TNNI2: variants seen among roughly 807,000 people sequenced by gnomAD.
The protein encoded by TNNI2 is troponin I, fast skeletal muscle.
TNNI2 carries 14 observed loss-of-function variants against 26.5 expected under a neutral mutation model. The observed-to-expected ratio is 0.53, with a 90% CI of 0.35 to 0.83. The LOEUF (loss-of-function observed/expected upper bound fraction) is 0.83, where lower values mean the gene tolerates loss of function less well. Among genes scored for constraint, TNNI2 ranks in the 40% least tolerant of loss-of-function variants. The pLI is 0.01. For synonymous variants in TNNI2, 126 were observed against 97.6 expected (o/e 1.29, Z -1.71); for missense variants, 205 against 248.5 (o/e 0.82, Z 1.18).
chr11:1,840,254 G>A, intron 3 of TNNI2, 149 bp from the exon 4 acceptor site: 2 of 1,550,070 alleles, frequency 1.3e-6, no homozygotes, highest in Non-Finnish European at 1.7e-6. Flanking sequence ...GGGCCAGGGA[G>A]GCCCAGCCTG....
chr11:1,841,267 C>A, intron 7 of TNNI2, 60 bp downstream of exon 7: 2 of 1,589,876 alleles, frequency 1.3e-6, no homozygotes, highest in South Asian at 2.2e-5. Flanking sequence ...CCTCCCACAC[C>A]TGCCCCGCCT....
chr11:1,841,643 C>T lies in TNNI2; in HGVS notation c.*92C>T. ...CCAGAGCCTGCCAGGGAGGGCTGGC[C>T]TCACCACCACCGTCAATAAAGGATT... is the stretch of plus-strand genomic sequence containing the variant. On this transcript the variant is annotated 3_prime_UTR_variant, in exon 8 of 8. Coordinates refer to ENST00000381911, the MANE Select transcript of TNNI2 (RefSeq NM_003282.4). 1 of 1,130,620 alleles carries T rather than the reference C, an allele frequency of 8.8e-7. No homozygotes were observed. Among genetic ancestry groups the T allele is most frequent in the South Asian group, 1.3e-5 (1 of 78,886 alleles). 70.0% of individuals were successfully genotyped at this position (1,130,620 alleles called of 1,614,324 possible).
chr11:1,839,512 A>T, intron 1 of TNNI2, 163 bp from the exon 2 acceptor site: 1 of 625,828 alleles, frequency 1.6e-6, no homozygotes, highest in Non-Finnish European at 2.7e-6. Flanking sequence ...ATTCCAAGAC[A>T]TTGTCCTTGA....
Position 1,841,503 on chromosome 11 carries a change from G to A in TNNI2, c.501G>A (p.Glu167=). Residue 167 remains glutamate, a synonymous_variant, in exon 8 of 8, where the codon GAG becomes GAA. Coordinates refer to ENST00000381911, the MANE Select transcript of TNNI2 (RefSeq NM_003282.4). ...GTGACTGGAGGAAGAACATCGAGGA[G>A]AAGTCTGGCATGGAGGGCCGGAAGA... ...DVGDWRKNIE[E]KSGMEGRKKM... is the part of the protein sequence containing the mutation. 1 of 1,614,156 alleles carries A rather than the reference G, an allele frequency of 6.2e-7. No individual in the cohort carries two copies. The highest frequency in any genetic ancestry group is 8.5e-7 in the Non-Finnish European group (1 of 1,179,996).
chr11:1,840,923 C>G lies in TNNI2; in HGVS notation c.276+15C>G, dbSNP rs200628572. 6.2e-7 allele frequency: 1 copy of G among 1,608,858 alleles called. No homozygotes were observed. The highest frequency in any genetic ancestry group is 1.7e-5 in the Admixed American group (1 of 59,586). ...CCAGCAAGGAGGTGAGTGGTGGCGG[C>G]GGGCCGGCGGCAGGCGGGTAGGCGG... On this transcript the variant is annotated intron_variant, in intron 6 of 7. Coordinates refer to ENST00000381911, the MANE Select transcript of TNNI2 (RefSeq NM_003282.4).
intron 3 of TNNI2, 150 bp downstream of exon 3, chr11:1,840,005 C>T (rs916531442): frequency 2.6e-5 from 33 of 1,280,544 alleles, no homozygotes; most frequent in Middle Eastern, 3.9e-4. Flanking sequence ...CCCACCAAGA[C>T]GCTGCTGAAA....
rs2292476 is a variant in TNNI2, at chr11:1,839,876, C to G, written c.15+21C>G. The G allele has an allele frequency of 1.1e-5, 18 of 1,613,668 alleles. No individual in the cohort carries two copies. In the East Asian group the frequency reaches 4.0e-4, roughly 36 times the overall value. ...AGGAGGTAAGTAGTTGCTGGGGGCTCAAAACATGACGAGGAGGGGGCTCCC... is the reference window on the plus strand; with the variant it reads ...AGGAGGTAAGTAGTTGCTGGGGGCTGAAAACATGACGAGGAGGGGGCTCCC... On this transcript the variant is annotated intron_variant, in intron 3 of 7. Coordinates refer to ENST00000381911, the MANE Select transcript of TNNI2 (RefSeq NM_003282.4).
chr11:1,840,887 G>A lies in TNNI2; in HGVS notation c.255G>A (p.Arg85=). 1.2e-6 allele frequency: 2 copies of A among 1,613,340 alleles called. No homozygotes were observed. Among genetic ancestry groups the A allele is most frequent in the Non-Finnish European group, 1.7e-6 (2 of 1,179,798 alleles). ...AEEEKYDMEV[R]VQKTSKELED... The stretch of plus-strand genomic sequence containing the variant: ...AGGAGAAGTACGACATGGAGGTGAG[G>A]GTGCAGAAGACCAGCAAGGAGGTGA... The change falls in exon 6 of 8, where the codon AGG becomes AGA. Residue 85 remains arginine, a synonymous_variant. Coordinates refer to ENST00000381911, the MANE Select transcript of TNNI2 (RefSeq NM_003282.4).
Position 1,841,595 on chromosome 11 carries a change from C to A in TNNI2, c.*44C>A. 3 of 1,575,908 alleles carry A rather than the reference C, an allele frequency of 1.9e-6. No homozygotes were observed. The highest frequency in any genetic ancestry group is 2.6e-6 in the Non-Finnish European group (3 of 1,146,430). On this transcript the variant is annotated 3_prime_UTR_variant, in exon 8 of 8. Coordinates refer to ENST00000381911, the MANE Select transcript of TNNI2 (RefSeq NM_003282.4). The stretch of plus-strand genomic sequence containing the variant: ...GCCTGCCCCGGTGCCCGGCTCCCAG[C>A]AGAACATACTAGGGAGATGCACCCA...
intron 3 of TNNI2, 34 bp downstream of exon 3, chr11:1,839,889 G>A: frequency 6.2e-7 from 1 of 1,613,452 alleles, no homozygotes; most frequent in Non-Finnish European, 8.5e-7. Context: ...AACATGACGA[G>A]GAGGGGGCTC....
At chr11:1,839,260 C>T (rs1847110726) in intron 1 of TNNI2, among the ~76,000 whole-genome samples, 1 of 152,108 alleles carries the variant, frequency 6.6e-6, no homozygotes, top group Admixed American at 6.5e-5. Context: ...CTCTGGGGAC[C>T]CTGGAAGGAG....
intron 5 of TNNI2, 65 bp from the exon 6 acceptor site, chr11:1,840,754 G>A: frequency 2.5e-6 from 4 of 1,601,934 alleles, no homozygotes; most frequent in African/African-American, 1.3e-5. Context: ...GGTGGTCAGG[G>A]CAGGGGCAGG....
chr11:1,839,604 A>C (rs551412435), intron 1 of TNNI2, 71 bp from the exon 2 acceptor site: 2 of 1,575,188 alleles, frequency 1.3e-6, no homozygotes, highest in African/African-American at 2.7e-5. Flanking sequence ...ACCCCTCACC[A>C]CCTACCTGAT....
At chr11:1,841,407 C>T (rs761692575) in intron 7 of TNNI2, 49 bp from the exon 8 acceptor site, 14 of 1,590,388 alleles carry the variant, frequency 8.8e-6, no homozygotes, top group East Asian at 4.5e-5. Flanking sequence ...GACCAGGGTG[C>T]GTGCATAAGT....
intron 1 of TNNI2, 36 bp from the exon 2 acceptor site, chr11:1,839,639 G>A: frequency 6.2e-7 from 1 of 1,612,238 alleles, no homozygotes; most frequent in Non-Finnish European, 8.5e-7. Flanking sequence ...CGGTGGCAAG[G>A]GCCTGGCCAA....
Position 1,841,651 on chromosome 11 carries a change from C to T in TNNI2, c.*100C>T. On this transcript the variant is annotated 3_prime_UTR_variant, in exon 8 of 8. Transcript: ENST00000381911. ...TGCCAGGGAGGGCTGGCCTCACCAC[C>T]ACCGTCAATAAAGGATTTGAATCCC... 4 of 1,063,080 alleles carry T rather than the reference C, an allele frequency of 3.8e-6. No homozygotes were observed. Among genetic ancestry groups the T allele is most frequent in the East Asian group, 2.5e-5 (1 of 39,832 alleles). 65.9% of individuals were successfully genotyped at this position (1,063,080 alleles called of 1,614,324 possible). A position where few individuals can be genotyped will look rare whatever the true frequency, so the allele number is the denominator to read the frequency against.
At chr11:1,841,332 G>A (rs1239422647) in intron 7 of TNNI2, 124 bp from the exon 8 acceptor site, 2 of 1,529,522 alleles carry the variant, frequency 1.3e-6, no homozygotes, top group African/African-American at 1.4e-5. Context: ...TGCCCCTCCA[G>A]GGTGCCATGC....
intron 3 of TNNI2, 191 bp downstream of exon 3, chr11:1,840,046 G>A (rs1258491006): frequency 1.9e-6 from 2 of 1,065,886 alleles, no homozygotes; most frequent in Non-Finnish European, 2.7e-6. Flanking sequence ...AGCCTTCTGG[G>A]GCAGGGGAAG....
In TNNI2 at chr11:1,841,251, GA is replaced by G. The variant is rs768822295; in HGVS notation, c.453+46del. 574 of 1,601,140 alleles carry G rather than the reference GA, an allele frequency of 3.6e-4. 1 individual carries two copies. The highest frequency in any genetic ancestry group is 7.6e-4 in the East Asian group (34 of 44,524). Reference sequence around the variant, plus strand: ...GCACCACCACACCTACCCTGCCGGGGAAGCACCTCCCACACCTGCCCCGCCT... The same window carrying G: ...GCACCACCACACCTACCCTGCCGGGGAGCACCTCCCACACCTGCCCCGCCT... On this transcript the variant is annotated intron_variant, in intron 7 of 7. Coordinates refer to ENST00000381911, the MANE Select transcript of TNNI2 (RefSeq NM_003282.4).
Sources: allele counts gnomAD v4.1 joint callset (sites outside exome capture counted in the v4.1 genomes callset), GRCh38; gene constraint gnomAD v4.1.1; transcripts MANE v1.5; gene names NCBI Gene and HGNC (gene_info 2026-07-23, HGNC 2026-07-21).